Variants in ABCG8 observed in about 807,000 individuals in gnomAD.
ABCG8 encodes ATP-binding cassette sub-family G member 8.
A neutral mutation model predicts 71.3 loss-of-function variants in ABCG8; 81 were observed. The ratio of observed to expected loss-of-function variants is 1.14; its 90% CI spans 0.95 to 1.37. ABCG8 has a LOEUF of 1.37. Ranked by LOEUF, ABCG8 falls within the 40% of genes most tolerant of loss-of-function variation. The pLI, the probability that ABCG8 is intolerant of heterozygous loss-of-function variation, is 0.00. For synonymous variants in ABCG8, 451 were observed against 354.7 expected (o/e 1.27, Z -3.05); for missense variants, 1,119 against 866.2 (o/e 1.29, Z -3.66).
At chr2:43,873,030 C>A (rs6756676) in intron 8 of ABCG8, among the ~76,000 whole-genome samples, 1 of 151,642 alleles carries the variant, frequency 6.6e-6, no homozygotes, top group African/African-American at 2.4e-5. Flanking sequence ...TTTCTTTTCA[C>A]TTAGGGCAGC....
At chr2:43,840,733 G>C (rs958374909) in intron 1 of ABCG8, among the ~76,000 whole-genome samples, 1 of 152,280 alleles carries the variant, frequency 6.6e-6, no homozygotes, top group South Asian at 2.1e-4. Flanking sequence ...TGGTACGGGG[G>C]AGCCACTTCC....
chr2:43,866,788 T>C (rs1046785455), intron 6 of ABCG8, among the ~76,000 whole-genome samples: 4 of 150,988 alleles, frequency 2.6e-5, no homozygotes, highest in East Asian at 1.9e-4. Flanking sequence ...GTCAATGTGG[T>C]GATTCCTCAG....
At chr2:43,849,709 G>C (rs546298512) in intron 3 of ABCG8, among the ~76,000 whole-genome samples, 1 of 152,096 alleles carries the variant, frequency 6.6e-6, no homozygotes, top group Non-Finnish European at 1.5e-5. Flanking sequence ...TGTTGGTGAA[G>C]TCCTCTGTGT....
At chr2:43,861,743 G>A (rs553907836) in intron 6 of ABCG8, among the ~76,000 whole-genome samples, 2 of 149,116 alleles carry the variant, frequency 1.3e-5, no homozygotes, top group Non-Finnish European at 3.0e-5. Flanking sequence ...CTCACTATCC[G>A]GATAGTGGAC....
At chr2:43,858,440 C>A (rs781455329) in intron 6 of ABCG8, among the ~76,000 whole-genome samples, 5 of 151,086 alleles carry the variant, frequency 3.3e-5, no homozygotes, top group Non-Finnish European at 5.9e-5. Flanking sequence ...CTGGATAGAA[C>A]TCTCACTATA....
rs139132725 is a variant in ABCG8, at chr2:43,856,863, G to A, written c.964+3995G>A. The stretch of plus-strand genomic sequence containing the variant: ...ATCTGGATAGAATTCTCACTCTCTG[G>A]ATAAAACTCTCACTATCTGTCTGGT... On this transcript the variant is annotated intron_variant, in intron 6 of 12. Transcript: ENST00000272286. Among the ~76,000 whole-genome samples, 579 of 151,398 alleles carry A rather than the reference G, an allele frequency of 3.8e-3. 11 individuals are homozygous for A. The highest frequency in any genetic ancestry group is 0.013 in the African/African-American group (549 of 41,220).
Position 43,875,211 on chromosome 2 carries a change from G to T in ABCG8, c.1554G>T (p.Leu518=). The part of the protein sequence containing the change: ...IIIYGMPTYW[L]ANLRPGLQPF... ...TCTACGGGATGCCCACCTACTGGCT[G>T]GCCAACCTGAGGCCAGGCCTCCAGC... The change falls in exon 11 of 13, where the codon CTG becomes CTT. Residue 518 remains leucine, a synonymous_variant. Coordinates refer to ENST00000272286, the MANE Select transcript of ABCG8 (RefSeq NM_022437.3). 1 of 1,614,236 alleles carries T rather than the reference G, an allele frequency of 6.2e-7. No homozygotes were observed.
intron 6 of ABCG8, among the ~76,000 whole-genome samples, chr2:43,863,012 TTTCTCACCATCTGGATAGAA>T (rs1349227063): frequency 3.6e-4 from 54 of 149,434 alleles, no homozygotes; most frequent in African/African-American, 1.3e-3. Context: ...TCTGGATAGA[TTTCTCACCATCTGGATAGAA>T]TTCTCACTCT....
chr2:43,841,136 G>C (rs933270221), intron 1 of ABCG8, among the ~76,000 whole-genome samples: 2 of 152,184 alleles, frequency 1.3e-5, no homozygotes, highest in African/African-American at 4.8e-5. Context: ...CAAGTCCTGC[G>C]TGTCCTCTTG....
At chr2:43,863,085 A>T (rs894023365) in intron 6 of ABCG8, among the ~76,000 whole-genome samples, 26 of 149,754 alleles carry the variant, frequency 1.7e-4, no homozygotes, top group African/African-American at 6.1e-4. Context: ...GGTTCTCACC[A>T]TATGGATAGA....
rs763680928 is a variant in ABCG8, at chr2:43,851,716, G to A, written c.455G>A (p.Arg152His). The A allele has an allele frequency of 2.2e-5, 36 of 1,614,106 alleles. No individual in the cohort carries two copies. Among genetic ancestry groups the A allele is most frequent in the Non-Finnish European group, 2.5e-5 (29 of 1,180,044 alleles). The change falls in exon 4 of 13, where the codon CGC (arginine) becomes CAC (histidine). Residue 152 changes from arginine (R) to histidine (H), a missense_variant. Arg to His is a conservative substitution (Grantham distance 29). Transcript: ENST00000272286. ...QLVRKCVAHV[R>H]QHNQLLPNLT... ...GTGAGGAAGTGTGTGGCCCACGTGC[G>A]CCAGCACAACCAGCTGCTCCCCAAC...
intron 7 of ABCG8, 21 bp downstream of exon 7, chr2:43,872,159 G>A: frequency 1.2e-6 from 2 of 1,614,062 alleles, no homozygotes. Context: ...AGGCGACTCT[G>A]AGAGGAGAGC....
At chr2:43,846,737 T>C in intron 3 of ABCG8, 1 of 283,634 alleles carries the variant, frequency 3.5e-6, no homozygotes, top group Non-Finnish European at 6.9e-6. Flanking sequence ...AGACAGCCTC[T>C]CCAGTGTCTT....
chr2:43,840,969 C>T (rs1025938266), intron 1 of ABCG8, among the ~76,000 whole-genome samples: 1 of 152,220 alleles, frequency 6.6e-6, no homozygotes, highest in Admixed American at 6.5e-5. Flanking sequence ...GAATATCTGG[C>T]ATCTTGGGCA....
intron 3 of ABCG8, 61 bp from the exon 4 acceptor site, chr2:43,851,523 G>T: frequency 6.3e-7 from 1 of 1,583,230 alleles, no homozygotes; most frequent in South Asian, 1.1e-5. Context: ...GGGGAGCAGT[G>T]GCTGACAGCC....
intron 6 of ABCG8, among the ~76,000 whole-genome samples, chr2:43,866,964 AG>A (rs1476835405): frequency 1.3e-5 from 2 of 151,600 alleles, no homozygotes; most frequent in Admixed American, 6.6e-5. Flanking sequence ...CAACAATGAT[AG>A]ACTGGATTAA....
At position 43,852,691 on chromosome 2, in the gene ABCG8, C is replaced by A; in HGVS notation, c.787C>A (p.Arg263=). 1 of 1,614,134 alleles carries A rather than the reference C, an allele frequency of 6.2e-7. No homozygotes were observed. Among genetic ancestry groups the A allele is most frequent in the Non-Finnish European group, 8.5e-7 (1 of 1,180,000 alleles). Residue 263 remains arginine, a synonymous_variant, in exon 6 of 13, where the codon CGG becomes AGG. Transcript: ENST00000272286. Reference sequence around the variant, plus strand: ...CTTGTCCAGGCTGGCCAAAGGCAACCGGCTGGTGCTCATCTCCCTCCACCA... The same window carrying A: ...CTTGTCCAGGCTGGCCAAAGGCAACAGGCTGGTGCTCATCTCCCTCCACCA... ...KTLSRLAKGN[R]LVLISLHQPR...
At chr2:43,871,301 TCAC>T (rs1669761293) in intron 6 of ABCG8, among the ~76,000 whole-genome samples, 10 of 149,406 alleles carry the variant, frequency 6.7e-5, no homozygotes, top group Admixed American at 1.3e-4. Flanking sequence ...GATAGAATTC[TCAC>T]TCTCTGGATA....
rs545767349 is a variant in ABCG8 at position 43,851,701 on chromosome 2, G to A, written c.440G>A (p.Cys147Tyr). The change falls in exon 4 of 13, where the codon TGT becomes TAT. Residue 147 changes from cysteine to tyrosine, a missense_variant. By Grantham distance (194) the Cys-to-Tyr change is radical. Transcript: ENST00000272286. ...QPSSPQLVRK[C>Y]VAHVRQHNQL... ...AGCTCGCCTCAGCTGGTGAGGAAGT[G>A]TGTGGCCCACGTGCGCCAGCACAAC... 1.2e-6 allele frequency: 2 copies of A among 1,614,260 alleles called. No homozygotes were observed. Among genetic ancestry groups the A allele is most frequent in the African/African-American group, 1.3e-5 (1 of 75,074 alleles).
Sources: gnomAD v4.1 joint callset for allele counts (sites outside exome capture counted in the v4.1 genomes callset) on GRCh38, gnomAD v4.1.1 for gene constraint, MANE v1.5 for transcripts, NCBI Gene and HGNC (gene_info 2026-07-23, HGNC 2026-07-21) for gene names.